Variants in MBNL1 observed in about 807,000 individuals in gnomAD.
The protein encoded by MBNL1 is muscleblind-like protein 1.
Under a neutral mutation model 42.2 loss-of-function variants are expected in MBNL1, and 8 were observed. The ratio of observed to expected loss-of-function variants is 0.19; its 90% CI spans 0.11 to 0.34. MBNL1 has a LOEUF of 0.34. MBNL1 is among the 10% of genes least tolerant of loss of function. The pLI, the probability that MBNL1 is intolerant of heterozygous loss-of-function variation, is 1.00. For missense variants in MBNL1, 309 were observed against 495.3 expected (o/e 0.62, Z 3.57); for synonymous variants, 169 against 173.9 (o/e 0.97, Z 0.22).
At chr3:152,381,038 T>G (rs1323878075) in intron 2 of MBNL1, among the ~76,000 whole-genome samples, 1 of 152,082 alleles carries the variant, frequency 6.6e-6, no homozygotes, top group Non-Finnish European at 1.5e-5. Context: ...CAAATTATCT[T>G]GTTTTTAGAC....
intron 1 of MBNL1, among the ~76,000 whole-genome samples, chr3:152,271,456 A>G (rs955006274): frequency 3.9e-5 from 6 of 152,220 alleles, no homozygotes; most frequent in African/African-American, 1.4e-4. Context: ...CACTGTTGCC[A>G]TACATTAGGC....
intron 2 of MBNL1, among the ~76,000 whole-genome samples, chr3:152,379,409 C>A (rs572310392): frequency 5.8e-4 from 89 of 152,264 alleles, no homozygotes; most frequent in African/African-American, 2.1e-3. Context: ...AATATTAAAA[C>A]TATTTTAGCC....
intron 1 of MBNL1, among the ~76,000 whole-genome samples, chr3:152,273,420 A>G (rs540158970): frequency 1.8e-4 from 28 of 152,210 alleles, no homozygotes; most frequent in Non-Finnish European, 3.8e-4. Flanking sequence ...AGTTTTTTTC[A>G]TAACAGATCC....
chr3:152,431,191 T>A (rs2099002483), intron 3 of MBNL1, among the ~76,000 whole-genome samples: 1 of 152,152 alleles, frequency 6.6e-6, no homozygotes, highest in East Asian at 1.9e-4. Flanking sequence ...CTGTCTTGTA[T>A]GTTGTAGGAC....
At chr3:152,407,621 A>G (rs1007148737) in intron 2 of MBNL1, among the ~76,000 whole-genome samples, 1 of 152,156 alleles carries the variant, frequency 6.6e-6, no homozygotes, top group Non-Finnish European at 1.5e-5. Context: ...ATTATGTAAT[A>G]AAAAAATCCT....
chr3:152,345,082 G>T lies in MBNL1; in HGVS notation c.174+44715G>T, dbSNP rs552189922. ...CGTTGTTTTACTTCACTTACCCTGG[G>T]AGACTTTTTTTTTTCCTAAATTCCT... On this transcript the variant is annotated intron_variant, in intron 2 of 9. Transcript: ENST00000324210. Among the ~76,000 whole-genome samples, 4 of 152,036 alleles carry T rather than the reference G, an allele frequency of 2.6e-5. No homozygotes were observed. In the South Asian group the frequency reaches 6.2e-4, roughly 24 times the overall value.
At chr3:152,308,797 A>C (rs2064693599) in intron 2 of MBNL1, among the ~76,000 whole-genome samples, 1 of 151,506 alleles carries the variant, frequency 6.6e-6, no homozygotes, top group South Asian at 2.1e-4. Flanking sequence ...AAAAGTATCA[A>C]ACTCAATTTT....
chr3:152,315,880 TCTCTCTCACTC>T (rs1419283348), intron 2 of MBNL1, among the ~76,000 whole-genome samples: 4 of 151,324 alleles, frequency 2.6e-5, no homozygotes, highest in South Asian at 2.1e-4. Context: ...TCTCTCTCTC[TCTCTCTCACTC>T]CTCTCTCTCT....
intron 2 of MBNL1, among the ~76,000 whole-genome samples, chr3:152,363,199 T>A (rs1397853649): frequency 6.6e-6 from 1 of 152,162 alleles, no homozygotes; most frequent in Admixed American, 6.6e-5. Flanking sequence ...TTTATATGCA[T>A]GTTTAATATA....
At position 152,414,923 on chromosome 3, in the gene MBNL1, C is replaced by T. The variant is rs968858866; in HGVS notation, c.175-18C>T. The T allele has an allele frequency of 1.2e-6, 2 of 1,604,202 alleles. No homozygotes were observed. The highest frequency in any genetic ancestry group is 1.7e-5 in the Admixed American group (1 of 57,500). On this transcript the variant is annotated intron_variant, in intron 2 of 9. Coordinates refer to ENST00000324210, the MANE Select transcript of MBNL1 (RefSeq NM_021038.5). ...TTATTCTTTTCTAAGATGATGTTTG[C>T]TGCTTTTGTTTCTCTAGGGCCGTTG...
chr3:152,246,396 G>C (rs1272287329), intron 2 of MBNL1, among the ~76,000 whole-genome samples: 1 of 151,962 alleles, frequency 6.6e-6, no homozygotes, highest in African/African-American at 2.4e-5. Context: ...AAGTCTGAAT[G>C]AACATCCTAG....
intron 2 of MBNL1, among the ~76,000 whole-genome samples, chr3:152,343,652 G>A (rs982875625): frequency 6.6e-6 from 1 of 152,098 alleles, no homozygotes; most frequent in Non-Finnish European, 1.5e-5. Flanking sequence ...ATGGGGGTGG[G>A]TGCCATGGAG....
chr3:152,395,992 C>T (rs1476282984), intron 2 of MBNL1, among the ~76,000 whole-genome samples: 1 of 152,132 alleles, frequency 6.6e-6, no homozygotes, highest in South Asian at 2.1e-4. Context: ...ACAGCTGCTC[C>T]GCATTGCTGG....
At chr3:152,362,641 C>CCT (rs1468897227) in intron 2 of MBNL1, among the ~76,000 whole-genome samples, 1 of 152,090 alleles carries the variant, frequency 6.6e-6, no homozygotes, top group Non-Finnish European at 1.5e-5. Context: ...GCATCTCTGG[C>CCT]CTCCACCTGC....
chr3:152,286,328 AATT>A (rs2051755732), intron 1 of MBNL1, among the ~76,000 whole-genome samples: 1 of 143,142 alleles, frequency 7.0e-6, no homozygotes, highest in Non-Finnish European at 1.5e-5. Flanking sequence ...ACAAATATTT[AATT>A]ATATTTTATT....
Position 152,302,693 on chromosome 3 carries a change from A to G in MBNL1, c.174+2326A>G, listed in dbSNP as rs80180705. Reference sequence around the variant, plus strand: ...GGGAGCGTTATGAGGTTTCCATGCCATTAACCGCTAGATCATTTGCATTCT... The same window carrying G: ...GGGAGCGTTATGAGGTTTCCATGCCGTTAACCGCTAGATCATTTGCATTCT... On this transcript the variant is annotated intron_variant, in intron 2 of 9. Coordinates refer to ENST00000324210, the MANE Select transcript of MBNL1 (RefSeq NM_021038.5). Among the ~76,000 whole-genome samples the G allele has an allele frequency of 1.3e-3, 203 of 152,310 alleles. 7 individuals are homozygous for G. The East Asian group carries it at 0.038, about 28-fold the overall frequency.
At position 152,325,553 on chromosome 3, in the gene MBNL1, A is replaced by AT. The variant is rs1184107943; in HGVS notation, c.174+25194dup. 1.1e-4 allele frequency among the ~76,000 whole-genome samples: 17 copies of AT among 151,808 alleles called. No homozygotes were observed. In the East Asian group the frequency reaches 2.1e-3, roughly 19 times the overall value. On this transcript the variant is annotated intron_variant, in intron 2 of 9. Coordinates refer to ENST00000324210, the MANE Select transcript of MBNL1 (RefSeq NM_021038.5). ...AATATATTGAAGATATCTGTATTTT[A>AT]TTTTTTTTAGTTTATAGTTAATTTT...
chr3:152,254,821 G>A (rs1043891715), intron 2 of MBNL1, among the ~76,000 whole-genome samples: 8 of 151,948 alleles, frequency 5.3e-5, no homozygotes, highest in Non-Finnish European at 1.2e-4. Context: ...CATGATTAAC[G>A]AATTTAATGC....
chr3:152,459,716 C>T (rs1437618705), intron 9 of MBNL1, among the ~76,000 whole-genome samples: 2 of 152,034 alleles, frequency 1.3e-5, no homozygotes, highest in East Asian at 1.9e-4. Flanking sequence ...CAGCTACTCT[C>T]CTCTGCCATT....
Sources: allele counts gnomAD v4.1 joint callset (sites outside exome capture counted in the v4.1 genomes callset), GRCh38; gene constraint gnomAD v4.1.1; transcripts MANE v1.5; gene names NCBI Gene and HGNC (gene_info 2026-07-23, HGNC 2026-07-21).